The following HEPHL1 variants were observed in gnomAD, a reference collection of about 807,000 sequenced individuals.
The protein encoded by HEPHL1 is ferroxidase HEPHL1.
HEPHL1 carries 123 observed loss-of-function variants against 122.0 expected under a neutral mutation model. The observed-to-expected ratio is 1.01, with a 90% CI of 0.87 to 1.17. The LOEUF is 1.17. Among genes scored for constraint, HEPHL1 ranks in the 50% most tolerant of loss-of-function variants. The pLI, the probability that HEPHL1 is intolerant of heterozygous loss-of-function variation, is 0.00. For synonymous variants in HEPHL1, 527 were observed against 508.9 expected (o/e 1.04, Z -0.48); for missense variants, 1,452 against 1,430.5 (o/e 1.01, Z -0.24).
In HEPHL1 at chr11:94,086,190, G is replaced by T; in HGVS notation, c.2080+1G>T. 8.7e-6 allele frequency: 14 copies of T among 1,605,632 alleles called. No homozygotes were observed. Among genetic ancestry groups the T allele is most frequent in the Non-Finnish European group, 1.2e-5 (14 of 1,176,232 alleles). On this transcript the variant is annotated splice_donor_variant, in intron 11 of 19. Coordinates refer to ENST00000315765, the MANE Select transcript of HEPHL1 (RefSeq NM_001098672.2). LOFTEE classifies it high-confidence loss of function. ...GCATTCATGCAGCCAGACCATGCAG[G>T]TAAACTTGCTGGGTCCATCTCAGGT...
In HEPHL1 at chr11:94,112,146, T is replaced by TA. The variant is rs1340598433; in HGVS notation, c.*253dup. The stretch of plus-strand genomic sequence containing the variant: ...GGGCATGGCTGAGAATGTCAACTCT[T>TA]AGTCTATTCTTTGGTTGGATTCACT... On this transcript the variant is annotated 3_prime_UTR_variant, in exon 20 of 20. Transcript: ENST00000315765. 6.0e-6 allele frequency: 2 copies of TA among 331,312 alleles called. No homozygotes were observed. Among genetic ancestry groups the TA allele is most frequent in the Non-Finnish European group, 5.4e-6 (1 of 184,282 alleles). The allele number at this position is 331,312 out of a possible 1,614,324, so 20.5% of individuals were successfully genotyped here.
At chr11:94,057,635 T>C (rs1945949486) in intron 2 of HEPHL1, among the ~76,000 whole-genome samples, 1 of 152,162 alleles carries the variant, frequency 6.6e-6, no homozygotes, top group Non-Finnish European at 1.5e-5. Flanking sequence ...ATTTGCTTAT[T>C]AAGATTCTCT....
intron 11 of HEPHL1, among the ~76,000 whole-genome samples, chr11:94,087,729 AAGGT>A (rs1470185638): frequency 6.6e-6 from 1 of 152,196 alleles, no homozygotes; most frequent in African/African-American, 2.4e-5. Flanking sequence ...TCTGTCTTCA[AAGGT>A]ATCTTCTCTG....
At chr11:94,046,894 A>C (rs551136843) in intron 2 of HEPHL1, among the ~76,000 whole-genome samples, 1 of 152,314 alleles carries the variant, frequency 6.6e-6, no homozygotes, top group South Asian at 2.1e-4. Context: ...TGCTTCTAGG[A>C]AATGTGCCAG....
At chr11:94,078,945 T>G (rs1432529115) in intron 9 of HEPHL1, among the ~76,000 whole-genome samples, 1 of 152,174 alleles carries the variant, frequency 6.6e-6, no homozygotes, top group Non-Finnish European at 1.5e-5. Context: ...TCACCATCAC[T>G]CAGGGTTCTG....
chr11:94,080,783 G>T (rs745715417), intron 9 of HEPHL1, among the ~76,000 whole-genome samples: 2 of 152,080 alleles, frequency 1.3e-5, no homozygotes, highest in Non-Finnish European at 2.9e-5. Context: ...TTAAAAAGTC[G>T]AGAAATGGCA....
At chr11:94,057,332 C>G (rs1945945872) in intron 2 of HEPHL1, among the ~76,000 whole-genome samples, 1 of 151,944 alleles carries the variant, frequency 6.6e-6, no homozygotes, top group African/African-American at 2.4e-5. Context: ...GCCATTATTT[C>G]TTCAAATATT....
At chr11:94,110,168 C>G (rs952895802) in intron 17 of HEPHL1, among the ~76,000 whole-genome samples, 1 of 151,972 alleles carries the variant, frequency 6.6e-6, no homozygotes, top group Non-Finnish European at 1.5e-5. Context: ...GATGTCCTCA[C>G]TTTCATTCTC....
intron 2 of HEPHL1, among the ~76,000 whole-genome samples, chr11:94,062,736 G>T (rs1324409116): frequency 6.6e-6 from 1 of 151,296 alleles, no homozygotes; most frequent in Non-Finnish European, 1.5e-5. Context: ...ACTATAATGT[G>T]CACAGACTGG....
At chr11:94,093,145 A>C (rs79566575) in intron 12 of HEPHL1, among the ~76,000 whole-genome samples, 3,993 of 151,518 alleles carry the variant, frequency 0.026, 189 homozygotes, top group African/African-American at 0.092. Flanking sequence ...CACACACATG[A>C]AGATGCAAGT....
At chr11:94,088,353 C>T in intron 11 of HEPHL1, among the ~76,000 whole-genome samples, 1 of 152,232 alleles carries the variant, frequency 6.6e-6, no homozygotes. Context: ...AGAAATATGG[C>T]TTAATTTGAA....
At chr11:94,080,782 C>G (rs372945385) in intron 9 of HEPHL1, among the ~76,000 whole-genome samples, 54 of 152,106 alleles carry the variant, frequency 3.6e-4, no homozygotes, top group Non-Finnish European at 5.4e-4. Flanking sequence ...ATTAAAAAGT[C>G]GAGAAATGGC....
At position 94,090,637 on chromosome 11, in the gene HEPHL1, T is replaced by C. The variant is rs548692728; in HGVS notation, c.2294+1669T>C. ...CATGTTCAAAGTTTAACAAATGCTG[T>C]AGATAACAATTCAGTATGGAATTGA... On this transcript the variant is annotated intron_variant, in intron 12 of 19. Coordinates refer to ENST00000315765, the MANE Select transcript of HEPHL1 (RefSeq NM_001098672.2). Among the ~76,000 whole-genome samples, 35 of 152,308 alleles carry C rather than the reference T, an allele frequency of 2.3e-4. 1 individual carries two copies. The South Asian group carries it at 4.6e-3, about 20-fold the overall frequency.
chr11:94,045,795 G>T lies in HEPHL1; in HGVS notation c.293G>T (p.Gly98Val), dbSNP rs1462937572. The part of the protein sequence containing the change: ...SIEIPKPPWL[G>V]FLGPILRAEV... ...GAGATCCCCAAACCTCCCTGGCTTG[G>T]ATTCCTGGGCCCCATCTTGAGGGCC... Residue 98 changes from glycine (G) to valine (V), a missense_variant, in exon 2 of 20, where the codon GGA becomes GTA. Gly to Val is a moderately radical substitution (Grantham distance 109, BLOSUM62 -3). Coordinates refer to ENST00000315765, the MANE Select transcript of HEPHL1 (RefSeq NM_001098672.2). 6.2e-7 allele frequency: 1 copy of T among 1,613,836 alleles called. No individual in the cohort carries two copies. The highest frequency in any genetic ancestry group is 2.2e-5 in the East Asian group (1 of 44,890).
intron 9 of HEPHL1, among the ~76,000 whole-genome samples, chr11:94,075,643 G>T (rs1946117233): frequency 6.6e-6 from 1 of 152,084 alleles, no homozygotes; most frequent in African/African-American, 2.4e-5. Flanking sequence ...CTTTTTCTGT[G>T]TGCTGCTTTT....
chr11:94,034,296 T>C (rs1258089486), intron 1 of HEPHL1, among the ~76,000 whole-genome samples: 1 of 152,214 alleles, frequency 6.6e-6, no homozygotes, highest in East Asian at 1.9e-4. Flanking sequence ...GATTCCAGGC[T>C]GCTCAATATG....
At chr11:94,033,813 T>C (rs1252871280) in intron 1 of HEPHL1, among the ~76,000 whole-genome samples, 1 of 152,146 alleles carries the variant, frequency 6.6e-6, no homozygotes, top group East Asian at 1.9e-4. Context: ...AAAGGATGTT[T>C]AAAGGGGTAT....
intron 5 of HEPHL1, among the ~76,000 whole-genome samples, chr11:94,068,433 A>G (rs1946051411): frequency 6.6e-6 from 1 of 152,152 alleles, no homozygotes; most frequent in Non-Finnish European, 1.5e-5. Flanking sequence ...AGCTTCCTTC[A>G]TGTCCTATGA....
chr11:94,070,667 G>A (rs1398232672), intron 6 of HEPHL1, 125 bp downstream of exon 6: 3 of 758,802 alleles, frequency 4.0e-6, no homozygotes, highest in Non-Finnish European at 4.2e-6. Flanking sequence ...ATGGCATAAT[G>A]TAGCTGCTTA....
Sources: gnomAD v4.1 joint callset for allele counts (sites outside exome capture counted in the v4.1 genomes callset) on GRCh38, gnomAD v4.1.1 for gene constraint, MANE v1.5 for transcripts, NCBI Gene and HGNC (gene_info 2026-07-23, HGNC 2026-07-21) for gene names.